DCP1A: variants seen among roughly 807,000 people sequenced by gnomAD.
DCP1A encodes the protein mRNA-decapping enzyme 1A.
DCP1A carries 20 observed loss-of-function variants against 58.0 expected under a neutral mutation model. The ratio of observed to expected loss-of-function variants is 0.34; its 90% CI spans 0.24 to 0.50. The LOEUF is 0.50. Among genes scored for constraint, DCP1A ranks in the 20% least tolerant of loss-of-function variants. DCP1A has a pLI of 0.98. For synonymous variants in DCP1A, 285 were observed against 275.1 expected, an observed-to-expected ratio of 1.04 and a Z score of -0.36; for missense variants, 613 against 712.2, an observed-to-expected ratio of 0.86 and a Z score of 1.59.
intron 4 of DCP1A, among the ~76,000 whole-genome samples, chr3:53,317,688 A>T (rs1466865839): frequency 6.6e-6 from 1 of 152,240 alleles, no homozygotes; most frequent in Non-Finnish European, 1.5e-5. Context: ...CTATCTCAAA[A>T]GAAAAAAATT....
chr3:53,316,966 G>C (rs1397693644), intron 4 of DCP1A, among the ~76,000 whole-genome samples: 1 of 152,068 alleles, frequency 6.6e-6, no homozygotes, highest in Non-Finnish European at 1.5e-5. Flanking sequence ...TGCATTAGGG[G>C]TAACACTTGC....
intron 3 of DCP1A, among the ~76,000 whole-genome samples, chr3:53,325,465 T>C (rs1217310247): frequency 1.3e-5 from 2 of 152,320 alleles, no homozygotes; most frequent in African/African-American, 2.4e-5. Flanking sequence ...AAAATTTCTT[T>C]TTCCTGAAAC....
At chr3:53,293,936 A>G (rs1274027146) in intron 6 of DCP1A, among the ~76,000 whole-genome samples, 5 of 151,916 alleles carry the variant, frequency 3.3e-5, no homozygotes, top group African/African-American at 9.7e-5. Flanking sequence ...GGACCCCCGC[A>G]CACACACACA....
At chr3:53,307,282 T>C (rs1553688178) in intron 5 of DCP1A, among the ~76,000 whole-genome samples, 1 of 152,116 alleles carries the variant, frequency 6.6e-6, no homozygotes, top group East Asian at 1.9e-4. Context: ...ACTCAAGCAA[T>C]CTATCTGCTT....
At position 53,295,560 on chromosome 3, in the gene DCP1A, C is replaced by CT. The variant is rs560905004; in HGVS notation, c.625-2734dup. Reference sequence around the variant, plus strand: ...TTACATCATCTTTCTTTTTCTTTCTCTTTTTTTTGAGACAGGGTCTCATTC... The same window carrying CT: ...TTACATCATCTTTCTTTTTCTTTCTCTTTTTTTTTGAGACAGGGTCTCATTC... On this transcript the variant is annotated intron_variant, in intron 6 of 9. Transcript: ENST00000610213. Among the ~76,000 whole-genome samples, 18 of 151,942 alleles carry CT rather than the reference C, an allele frequency of 1.2e-4. No homozygotes were observed. In the South Asian group the frequency reaches 3.5e-3, roughly 30 times the overall value.
chr3:53,337,802 C>T (rs1289647487), intron 3 of DCP1A, among the ~76,000 whole-genome samples: 1 of 152,226 alleles, frequency 6.6e-6, no homozygotes, highest in African/African-American at 2.4e-5. Context: ...GAGACTTCCA[C>T]TGTCCAGTAT....
At chr3:53,325,186 A>G (rs1437585771) in intron 3 of DCP1A, among the ~76,000 whole-genome samples, 2 of 152,214 alleles carry the variant, frequency 1.3e-5, no homozygotes, top group African/African-American at 2.4e-5. Flanking sequence ...TCATCTTGAG[A>G]GAGGTACATG....
intron 8 of DCP1A, among the ~76,000 whole-genome samples, chr3:53,289,510 G>A (rs1261193407): frequency 2.6e-5 from 4 of 151,066 alleles, no homozygotes; most frequent in Non-Finnish European, 4.4e-5. Flanking sequence ...TACTTGGGAC[G>A]CTGAAGCAGG....
chr3:53,338,080 T>C, intron 3 of DCP1A: 2 of 383,242 alleles, frequency 5.2e-6, no homozygotes, highest in South Asian at 1.8e-5. Context: ...TCTCCATCTG[T>C]CACTTATTAC....
At chr3:53,315,171 A>C (rs943422303) in intron 4 of DCP1A, among the ~76,000 whole-genome samples, 1 of 152,188 alleles carries the variant, frequency 6.6e-6, no homozygotes, top group Non-Finnish European at 1.5e-5. Flanking sequence ...TCAGGAATAA[A>C]GCTTACTTCC....
intron 3 of DCP1A, among the ~76,000 whole-genome samples, chr3:53,336,844 A>AGATT (rs1353360646): frequency 9.4e-4 from 117 of 124,668 alleles, no homozygotes; most frequent in Admixed American, 2.2e-3. Context: ...CCCAAAGCCC[A>AGATT]GATTTATTTA....
In DCP1A at chr3:53,285,535, T is replaced by G. The variant is rs1430397813; in HGVS notation, c.*2045A>C. The G allele has an allele frequency of 3.3e-5, 5 of 152,222 alleles. No individual in the cohort carries two copies. The highest frequency in any genetic ancestry group is 1.2e-4 in the African/African-American group (5 of 41,454). The allele number at this position is 152,222 out of a possible 1,614,324, so 9.4% of individuals were successfully genotyped here. On this transcript the variant is annotated 3_prime_UTR_variant, in exon 10 of 10. Transcript: ENST00000610213. ...CATGACTTGGGCACTTAAGTTTACT[T>G]TCACACTAAGGAAGCCTTATCATAG...
At position 53,285,048 on chromosome 3, in the gene DCP1A, A is replaced by G. The variant is rs557797395; in HGVS notation, c.*2532T>C. The G allele has an allele frequency of 1.3e-5, 2 of 152,196 alleles. No individual in the cohort carries two copies. Among genetic ancestry groups the G allele is most frequent in the South Asian group, 4.1e-4 (2 of 4,824 alleles). The allele number at this position is 152,196 out of a possible 1,614,324, so 9.4% of individuals were successfully genotyped here. ...AAAAAGAAGAGCAGCACCACCCACC[A>G]GTGGTGCCCCAGACACACCTCTCCT... On this transcript the variant is annotated 3_prime_UTR_variant, in exon 10 of 10. Coordinates refer to ENST00000610213, the MANE Select transcript of DCP1A (RefSeq NM_018403.7).
In DCP1A at chr3:53,305,158, A is replaced by G. The variant is rs139001629; in HGVS notation, c.511-868T>C. 7.2e-5 allele frequency among the ~76,000 whole-genome samples: 11 copies of G among 152,298 alleles called. No homozygotes were observed. In the East Asian group the frequency reaches 2.1e-3, roughly 29 times the overall value. On this transcript the variant is annotated intron_variant, in intron 5 of 9. Coordinates refer to ENST00000610213, the MANE Select transcript of DCP1A (RefSeq NM_018403.7). ...TCTTGCACTTAGCATAATGCCTTTA[A>G]GGTACATCCAAGCTGTTGTATGGTA...
At chr3:53,326,985 C>G (rs956725626) in intron 3 of DCP1A, among the ~76,000 whole-genome samples, 17 of 151,248 alleles carry the variant, frequency 1.1e-4, no homozygotes, top group Admixed American at 4.6e-4. Context: ...AACCCCCCCC[C>G]CCCAACTGGT....
chr3:53,339,810 C>A (rs1414789382), intron 3 of DCP1A, among the ~76,000 whole-genome samples: 4 of 152,148 alleles, frequency 2.6e-5, no homozygotes, highest in Non-Finnish European at 5.9e-5. Context: ...CTTTAATAAT[C>A]AAACCACTTA....
chr3:53,328,068 C>T (rs921978647), intron 3 of DCP1A, among the ~76,000 whole-genome samples: 4 of 151,652 alleles, frequency 2.6e-5, no homozygotes, highest in African/African-American at 4.8e-5. Flanking sequence ...TGCAGTGAGC[C>T]GAGATTGCGC....
chr3:53,299,214 T>C (rs1284888450), intron 6 of DCP1A, among the ~76,000 whole-genome samples: 3 of 152,260 alleles, frequency 2.0e-5, no homozygotes, highest in Admixed American at 6.5e-5. Context: ...AGTCTCTGCA[T>C]TCTTTTCTGT....
intron 3 of DCP1A, among the ~76,000 whole-genome samples, chr3:53,340,437 A>AATGAG: frequency 6.6e-6 from 1 of 152,362 alleles, no homozygotes; most frequent in South Asian, 2.1e-4. Flanking sequence ...CTTATACTTC[A>AATGAG]AAGTGTGCTA....
Sources: gnomAD v4.1 joint callset for allele counts (sites outside exome capture counted in the v4.1 genomes callset) on GRCh38, gnomAD v4.1.1 for gene constraint, MANE v1.5 for transcripts, NCBI Gene and HGNC (gene_info 2026-07-23, HGNC 2026-07-21) for gene names.